Variants in DOP1B observed in about 807,000 individuals in gnomAD.
DOP1B encodes the protein protein DOP1B.
A neutral mutation model predicts 233.5 loss-of-function variants in DOP1B; 174 were observed. The ratio of observed to expected loss-of-function variants is 0.75; its 90% CI spans 0.66 to 0.85. The LOEUF is 0.85. DOP1B is among the 40% of genes least tolerant of loss of function. DOP1B has a pLI of 0.00. For missense variants in DOP1B, 2,652 were observed against 2,846.6 expected, an observed-to-expected ratio of 0.93 and a Z score of 1.56; for synonymous variants, 1,190 against 1,185.6, an observed-to-expected ratio of 1.00 and a Z score of -0.08.
chr21:36,237,452 C>G, intron 16 of DOP1B, 38 bp downstream of exon 16: 1 of 1,610,970 alleles, frequency 6.2e-7, no homozygotes, highest in South Asian at 1.1e-5. Context: ...CCTGCAGCAC[C>G]CCGGCCCCTG....
rs756916041 is a variant in DOP1B, at chr21:36,227,853, C to T, written c.1641C>T (p.Asp547=). 3 of 1,604,116 alleles carry T rather than the reference C, an allele frequency of 1.9e-6. No homozygotes were observed. The highest frequency in any genetic ancestry group is 3.4e-5 in the Admixed American group (2 of 59,310). ...TCCAGATGCCTCCTTCCTACCTCGA[C>T]ACGGAGTCCACCAGCGGAACCTCGG... ...SKVQMPPSYL[D]TESTSGTSSP... The change falls in exon 13 of 37, where the codon GAC becomes GAT. Residue 547 remains aspartate, a synonymous_variant. Coordinates refer to ENST00000691173, the MANE Select transcript of DOP1B (RefSeq NM_001320714.2).
rs186873591 is a variant in DOP1B, at chr21:36,248,735, A to G, written c.4998+167A>G. On this transcript the variant is annotated intron_variant, in intron 21 of 36. Transcript: ENST00000691173. Reference sequence around the variant, plus strand: ...TTCATTTGTTATCAGTAAGTTTCCTATACCTGAAATGGAGGAGTCTGAGTG... The same window carrying G: ...TTCATTTGTTATCAGTAAGTTTCCTGTACCTGAAATGGAGGAGTCTGAGTG... Among the ~76,000 whole-genome samples the G allele has an allele frequency of 5.9e-5, 9 of 152,338 alleles. No individual in the cohort carries two copies. In the East Asian group the frequency reaches 1.2e-3, roughly 20 times the overall value.
At chr21:36,289,767 A>G (rs753522811) in intron 35 of DOP1B, among the ~76,000 whole-genome samples, 5 of 152,194 alleles carry the variant, frequency 3.3e-5, no homozygotes, top group Non-Finnish European at 5.9e-5. Context: ...TTAAATGCAC[A>G]TTGCTAAGTG....
At chr21:36,209,865 G>A (rs1293590492) in intron 5 of DOP1B, among the ~76,000 whole-genome samples, 9 of 152,066 alleles carry the variant, frequency 5.9e-5, no homozygotes, top group Non-Finnish European at 7.4e-5. Flanking sequence ...GATTGAATTC[G>A]CAGGTGAGAA....
intron 2 of DOP1B, among the ~76,000 whole-genome samples, chr21:36,184,084 T>C (rs1055753139): frequency 1.3e-5 from 2 of 152,028 alleles, no homozygotes; most frequent in Non-Finnish European, 2.9e-5. Context: ...AGTCATACTC[T>C]GTCGTCCAGG....
In DOP1B at chr21:36,245,416, G is replaced by A. The variant is rs1164141847; in HGVS notation, c.3436G>A (p.Ala1146Thr). Reference sequence around the variant, plus strand: ...GCTGAGCAACGAAGAGAACTGCTGTGCACCCATCCCCATGGGGGGCAGGGC... The same window carrying A: ...GCTGAGCAACGAAGAGAACTGCTGTACACCCATCCCCATGGGGGGCAGGGC... The part of the protein sequence containing the change: ...QELSNEENCC[A>T]PIPMGGRAYP... The change falls in exon 19 of 37, where the codon GCA becomes ACA. Residue 1146 changes from alanine to threonine, a missense_variant. Physicochemically the swap from Ala to Thr is moderately conservative, Grantham distance 58. Transcript: ENST00000691173. This position sits in a 1 kb window ranked among gnomAD's most constrained non-coding sequence, Gnocchi z 5.5. 6.2e-7 allele frequency: 1 copy of A among 1,614,042 alleles called. No homozygotes were observed. The highest frequency in any genetic ancestry group is 2.2e-5 in the East Asian group (1 of 44,878).
chr21:36,271,934 TC>T (rs923746446), intron 27 of DOP1B, among the ~76,000 whole-genome samples: 8 of 123,170 alleles, frequency 6.5e-5, no homozygotes, highest in Non-Finnish European at 1.3e-4. Flanking sequence ...TTACAAATGA[TC>T]CTTTTTTTTT....
At chr21:36,217,074 CAAAA>C (rs11353414) in intron 9 of DOP1B, among the ~76,000 whole-genome samples, 3 of 100,022 alleles carry the variant, frequency 3.0e-5, no homozygotes, top group African/African-American at 3.6e-5. Flanking sequence ...GACTCCATCT[CAAAA>C]AAAAAAAAAA....
chr21:36,212,212 A>G (rs1255679947), intron 7 of DOP1B, 115 bp downstream of exon 7: 4 of 1,248,850 alleles, frequency 3.2e-6, no homozygotes, highest in Non-Finnish European at 4.3e-6. Context: ...AAGTATGGAA[A>G]GATACCACAA....
chr21:36,210,717 C>T (rs926736989), intron 5 of DOP1B, among the ~76,000 whole-genome samples: 1 of 152,124 alleles, frequency 6.6e-6, no homozygotes, highest in Non-Finnish European at 1.5e-5. Flanking sequence ...CTGTCTGAGA[C>T]ACGAGAATCG....
In DOP1B at chr21:36,288,069, G is replaced by A. The variant is rs1331908574; in HGVS notation, c.6216G>A (p.Met2072Ile). 8 of 1,613,904 alleles carry A rather than the reference G, an allele frequency of 5.0e-6. No homozygotes were observed. The Admixed American group carries it at 6.7e-5, about 13-fold the overall frequency. The change falls in exon 33 of 37, where the codon ATG becomes ATA. Residue 2072 changes from methionine (M) to isoleucine (I), a missense_variant. Around this residue, in one of 3 missense-constraint regions of DOP1B, gnomAD observed 2,617 missense variants for 2,794.3 expected, o/e 0.94. Transcript: ENST00000691173. ...AGACATCCATAGTTGCTGCTCAGATGTTTCTTTTTTTCAGAGTTTTGCTGC... is the reference window on the plus strand; with the variant it reads ...AGACATCCATAGTTGCTGCTCAGATATTTCTTTTTTTCAGAGTTTTGCTGC... ...VGQTSIVAAQ[M>I]FLFFRVLLLR...
chr21:36,237,431 G>A lies in DOP1B; in HGVS notation c.2775+17G>A, dbSNP rs771379953. The A allele has an allele frequency of 1.1e-5, 18 of 1,612,816 alleles. No individual in the cohort carries two copies. In the South Asian group the frequency reaches 1.2e-4, roughly 11 times the overall value. On this transcript the variant is annotated intron_variant, in intron 16 of 36. Transcript: ENST00000691173. ...CCTGACAAGGTGAGCCTTTCTGGCC[G>A]CCACCTCCATCCTGCAGCACCCCGG...
At chr21:36,159,637 A>G (rs1285563720) in intron 1 of DOP1B, among the ~76,000 whole-genome samples, 1 of 152,160 alleles carries the variant, frequency 6.6e-6, no homozygotes, top group East Asian at 1.9e-4. Context: ...CATATGGCCA[A>G]CCATAACACT....
chr21:36,193,550 G>A (rs2066257369), intron 2 of DOP1B, among the ~76,000 whole-genome samples: 1 of 152,196 alleles, frequency 6.6e-6, no homozygotes, highest in African/African-American at 2.4e-5. Context: ...AGGGAGGAAG[G>A]TGAGAGTATC....
intron 3 of DOP1B, among the ~76,000 whole-genome samples, 177 bp from the exon 4 acceptor site, chr21:36,200,154 G>A (rs139678021): frequency 7.3e-5 from 11 of 151,644 alleles, no homozygotes; most frequent in African/African-American, 2.7e-4. Flanking sequence ...CAGCTTCATT[G>A]CTGGCTTGTT....
At chr21:36,210,635 ACT>A (rs1366223519) in intron 5 of DOP1B, among the ~76,000 whole-genome samples, 2 of 151,954 alleles carry the variant, frequency 1.3e-5, no homozygotes, top group Non-Finnish European at 1.5e-5. Context: ...TCAAAGCGAG[ACT>A]CTGTCTGAAA....
intron 2 of DOP1B, among the ~76,000 whole-genome samples, chr21:36,184,931 G>C (rs577752925): frequency 4.6e-5 from 7 of 152,300 alleles, no homozygotes; most frequent in Admixed American, 2.0e-4. Context: ...CATTTCATTA[G>C]AGCATGCCAG....
chr21:36,239,697 T>G, intron 17 of DOP1B, 68 bp from the exon 18 acceptor site: 1 of 1,463,920 alleles, frequency 6.8e-7, no homozygotes, highest in South Asian at 1.4e-5. Context: ...CTATGCCCAG[T>G]GTCTGCCACG....
At chr21:36,200,227 G>A in intron 3 of DOP1B, 104 bp from the exon 4 acceptor site, 1 of 1,423,172 alleles carries the variant, frequency 7.0e-7, no homozygotes, top group Non-Finnish European at 9.4e-7. Context: ...CAGTTTAAAT[G>A]GCCAGCTGTT....
Sources: gnomAD v4.1 joint callset for allele counts (sites outside exome capture counted in the v4.1 genomes callset) on GRCh38, gnomAD v4.1.1 for gene constraint, gnomAD v4.1.1 regional missense constraint, Gnocchi (gnomAD v3.1) non-coding constraint, MANE v1.5 for transcripts, NCBI Gene and HGNC (gene_info 2026-07-23, HGNC 2026-07-21) for gene names.